The following CARD8 variants were observed in gnomAD, a reference collection of about 807,000 sequenced individuals.
CARD8 encodes the protein caspase recruitment domain family member 8.
A neutral mutation model predicts 53.2 loss-of-function variants in CARD8; 38 were observed. The ratio of observed to expected loss-of-function variants is 0.71; its 90% CI spans 0.55 to 0.94. CARD8 has a LOEUF of 0.94. Among genes scored for constraint, CARD8 ranks in the 40% least tolerant of loss-of-function variants. The probability of loss-of-function intolerance (pLI) is 0.00; values close to 1 mark genes in which losing one functional copy is unlikely to be tolerated. For synonymous variants in CARD8, 245 were observed against 244.9 expected (o/e 1.00, Z 0.00); for missense variants, 561 against 655.5 (o/e 0.86, Z 1.57).
In CARD8 at chr19:48,211,951, T is replaced by C. The variant is rs2038057998; in HGVS notation, c.1373A>G (p.His458Arg). ...CCCCATCCTGGCTTGGAGTTGCCGG[T>C]GGTTCTCCTTCACAAAGGCTGCACC... ...FSGAAFVKEN[H>R]RQLQARMGDL... The change falls in exon 14 of 14, where the codon CAC (histidine) becomes CGC (arginine). Residue 458 changes from histidine to arginine, a missense_variant. Transcript: ENST00000651546. 6.2e-7 allele frequency: 1 copy of C among 1,613,970 alleles called. No homozygotes were observed. The highest frequency in any genetic ancestry group is 8.5e-7 in the Non-Finnish European group (1 of 1,179,974).
intron 10 of CARD8, among the ~76,000 whole-genome samples, chr19:48,226,010 GC>G (rs200382564): frequency 0.042 from 5,620 of 132,770 alleles, 352 homozygotes; most frequent in African/African-American, 0.14. Context: ...CTGAGATCAC[GC>G]CCACTGCACT....
At position 48,241,082 on chromosome 19, in the gene CARD8, G is replaced by T; in HGVS notation, c.-43-19C>A. ...TTTTACCCTGAAAAAATAAAAGGAGGTTGTATTTAGGTACTTGGGAAGAAC... is the reference window on the plus strand; with the variant it reads ...TTTTACCCTGAAAAAATAAAAGGAGTTTGTATTTAGGTACTTGGGAAGAAC... On this transcript the variant is annotated intron_variant, in intron 3 of 13. Coordinates refer to ENST00000651546, the MANE Select transcript of CARD8 (RefSeq NM_001184900.3). 1.5e-6 allele frequency: 2 copies of T among 1,326,414 alleles called. No individual in the cohort carries two copies. The highest frequency in any genetic ancestry group is 2.1e-6 in the Non-Finnish European group (2 of 957,578). The allele number at this position is 1,326,414 out of a possible 1,614,324, so 82.2% of individuals were successfully genotyped here.
At chr19:48,220,787 T>G (rs1252254289) in intron 11 of CARD8, among the ~76,000 whole-genome samples, 1 of 151,996 alleles carries the variant, frequency 6.6e-6, no homozygotes, top group Non-Finnish European at 1.5e-5. Context: ...GGTGCATGCC[T>G]GTAATCCCAG....
chr19:48,241,113 G>T, intron 3 of CARD8, 50 bp from the exon 4 acceptor site: 1 of 1,001,022 alleles, frequency 1.0e-6, no homozygotes, highest in Non-Finnish European at 1.5e-6. Flanking sequence ...AGAACCATCA[G>T]ATAAATCTTA....
At chr19:48,234,573 G>A (rs770542220) in intron 5 of CARD8, 30 bp from the exon 6 acceptor site, 68 of 1,600,380 alleles carry the variant, frequency 4.2e-5, no homozygotes, top group Non-Finnish European at 5.6e-5. Flanking sequence ...TTTTTACTAT[G>A]AATATAAGGT....
intron 3 of CARD8, among the ~76,000 whole-genome samples, chr19:48,248,772 A>G (rs2046523318): frequency 6.6e-6 from 1 of 152,266 alleles, no homozygotes; most frequent in South Asian, 2.1e-4. Context: ...TGCTATCAGA[A>G]AACAGGGTAA....
intron 3 of CARD8, among the ~76,000 whole-genome samples, chr19:48,241,554 C>T (rs1253755796): frequency 1.3e-5 from 2 of 152,208 alleles, no homozygotes; most frequent in Middle Eastern, 3.4e-3. Context: ...CGTGCCCTGC[C>T]GGATTTTTCA....
intron 10 of CARD8, among the ~76,000 whole-genome samples, chr19:48,224,600 GATATTT>G (rs1488994360): frequency 3.9e-5 from 6 of 152,194 alleles, no homozygotes; most frequent in African/African-American, 1.4e-4. Context: ...TGCAACAATA[GATATTT>G]AGAGTTTGAT....
rs112753568 is a variant in CARD8 at position 48,253,618 on chromosome 19, T to C, written c.-252+2174A>G. Among the ~76,000 whole-genome samples the C allele has an allele frequency of 2.6e-3, 392 of 152,296 alleles. 4 individuals are homozygous for C. Among genetic ancestry groups the C allele is most frequent in the African/African-American group, 7.9e-3 (327 of 41,552 alleles). On this transcript the variant is annotated intron_variant, in intron 1 of 13. Transcript: ENST00000651546. ...CCAATAAAAGAATGCAAGATGACTA[T>C]CTGTGTAAAAATGTAATCAATGGGG...
intron 12 of CARD8, among the ~76,000 whole-genome samples, chr19:48,216,681 T>C (rs1278340852): frequency 7.2e-6 from 1 of 138,370 alleles, no homozygotes; most frequent in African/African-American, 2.6e-5. Context: ...GATGGGATTG[T>C]GAGGATTCAG....
chr19:48,254,002 T>G (rs776254473), intron 1 of CARD8, among the ~76,000 whole-genome samples: 1 of 152,180 alleles, frequency 6.6e-6, no homozygotes, highest in African/African-American at 2.4e-5. Context: ...AGGAAACACA[T>G]AGCATACATA....
Position 48,234,155 on chromosome 19 carries a change from C to A in CARD8, c.350+248G>T, listed in dbSNP as rs143912245. ...TATTGAGTAACAGCTTAACCAATAA[C>A]CCACTGGTCTTCGATTGCATTGCTC... is the stretch of plus-strand genomic sequence containing the variant. On this transcript the variant is annotated intron_variant, in intron 6 of 13. Coordinates refer to ENST00000651546, the MANE Select transcript of CARD8 (RefSeq NM_001184900.3). 28 of 429,092 alleles carry A rather than the reference C, an allele frequency of 6.5e-5. No individual in the cohort carries two copies. In the East Asian group the frequency reaches 1.1e-3, roughly 17 times the overall value. The allele number at this position is 429,092 out of a possible 1,614,324, so 26.6% of individuals were successfully genotyped here.
intron 12 of CARD8, among the ~76,000 whole-genome samples, 154 bp from the exon 13 acceptor site, chr19:48,215,538 T>C (rs1047579002): frequency 6.6e-6 from 1 of 152,214 alleles, no homozygotes; most frequent in Non-Finnish European, 1.5e-5. Context: ...GGAAACCCCA[T>C]TAAGTTGTGG....
chr19:48,221,801 G>A lies in CARD8; in HGVS notation c.1090C>T (p.Pro364Ser), dbSNP rs1013889254. The A allele has an allele frequency of 6.2e-7, 1 of 1,610,130 alleles. No individual in the cohort carries two copies. The highest frequency in any genetic ancestry group is 1.3e-5 in the African/African-American group (1 of 74,866). ...FHGVRLQTSP[P>S]MEPLNFGSSY... ...GAACCAAAGTTCAGGGGTTCCATTG[G>A]GGGCGAAGTCTGCAGGCGCACACCA... The change falls in exon 11 of 14, where the codon CCA (proline) becomes TCA (serine). Residue 364 changes from proline to serine, a missense_variant. Physicochemically the swap from Pro to Ser is moderately conservative, Grantham distance 74. Transcript: ENST00000651546.
chr19:48,210,550 T>C lies in CARD8; in HGVS notation c.*1160A>G, dbSNP rs1394097652. The stretch of plus-strand genomic sequence containing the variant: ...ACAGAAAGATTATGTAGAAGATAAC[T>C]ATATCCTAGATGAGAAAAGGTAATA... On this transcript the variant is annotated 3_prime_UTR_variant, in exon 14 of 14. Transcript: ENST00000651546. 1 of 152,186 alleles carries C rather than the reference T, an allele frequency of 6.6e-6. No homozygotes were observed. The highest frequency in any genetic ancestry group is 1.9e-4 in the East Asian group (1 of 5,208). 9.4% of individuals were successfully genotyped at this position (152,186 alleles called of 1,614,324 possible).
intron 10 of CARD8, chr19:48,223,790 GCATTC>G (rs1330597376): frequency 2.2e-6 from 1 of 453,912 alleles, no homozygotes; most frequent in Non-Finnish European, 4.4e-6. Context: ...TTTTCCTATA[GCATTC>G]CATGTAATAT....
In CARD8 at chr19:48,214,226, G is replaced by A. The variant is rs191817472; in HGVS notation, c.1348+1114C>T. Among the ~76,000 whole-genome samples the A allele has an allele frequency of 8.7e-4, 133 of 152,308 alleles. 1 individual carries two copies. Among genetic ancestry groups the A allele is most frequent in the Non-Finnish European group, 1.5e-3 (99 of 68,022 alleles). ...GAGATGCTGTTACAGCAGGCAGCTCGTCAGATATGAGCAGGGCAGGAGAGG... is the reference window on the plus strand; with the variant it reads ...GAGATGCTGTTACAGCAGGCAGCTCATCAGATATGAGCAGGGCAGGAGAGG... On this transcript the variant is annotated intron_variant, in intron 13 of 13. Transcript: ENST00000651546.
chr19:48,241,025 C>A lies in CARD8; in HGVS notation c.-5G>T. On this transcript the variant is annotated 5_prime_UTR_variant, in exon 4 of 14. Coordinates refer to ENST00000651546, the MANE Select transcript of CARD8 (RefSeq NM_001184900.3). Reference sequence around the variant, plus strand: ...TGGACACTCCTTTTTTTCCATTTGTCAAATGTGGTATTTATGTCTTTACTG... The same window carrying A: ...TGGACACTCCTTTTTTTCCATTTGTAAAATGTGGTATTTATGTCTTTACTG... 1 of 1,535,080 alleles carries A rather than the reference C, an allele frequency of 6.5e-7. No individual in the cohort carries two copies. The highest frequency in any genetic ancestry group is 1.2e-5 in the South Asian group (1 of 84,030).
chr19:48,252,839 A>T (rs967216078), intron 1 of CARD8, among the ~76,000 whole-genome samples: 1 of 149,610 alleles, frequency 6.7e-6, no homozygotes, highest in Non-Finnish European at 1.5e-5. Flanking sequence ...ACACACACAT[A>T]TGTGTATACA....
Sources: allele counts gnomAD v4.1 joint callset (sites outside exome capture counted in the v4.1 genomes callset), GRCh38; gene constraint gnomAD v4.1.1; transcripts MANE v1.5; gene names NCBI Gene and HGNC (gene_info 2026-07-23, HGNC 2026-07-21).